ZNF33A: variants seen among roughly 807,000 people sequenced by gnomAD.
The protein encoded by ZNF33A is zinc finger protein 33A.
A neutral mutation model predicts 15.9 loss-of-function variants in ZNF33A; 9 were observed. That is an observed-to-expected ratio of 0.57 (90% CI 0.34 to 0.99). ZNF33A has a LOEUF of 0.99. Ranked by LOEUF, ZNF33A falls within the 50% of genes least tolerant of loss-of-function variation. The pLI is 0.02. For missense variants in ZNF33A, 843 were observed against 941.6 expected, an observed-to-expected ratio of 0.90 and a Z score of 1.37; for synonymous variants, 294 against 324.2, an observed-to-expected ratio of 0.91 and a Z score of 1.00.
chr10:38,063,940 G>A, downstream of ZNF33A: 3 of 639,180 alleles, frequency 4.7e-6, no homozygotes, highest in South Asian at 6.9e-5. Context: ...ATTCAGCAAA[G>A]GTATCCACTG....
intron 4 of ZNF33A, among the ~76,000 whole-genome samples, chr10:38,037,022 C>T (rs2065481534): frequency 6.7e-6 from 1 of 148,814 alleles, no homozygotes. Flanking sequence ...TATTTTTCTC[C>T]CATTTGTGGG....
intron 4 of ZNF33A, among the ~76,000 whole-genome samples, chr10:38,020,045 A>G (rs1564837246): frequency 6.6e-6 from 1 of 152,320 alleles, no homozygotes; most frequent in East Asian, 1.9e-4. Context: ...AGAATACTAT[A>G]AAATGTGATA....
intron 4 of ZNF33A, chr10:38,039,494 T>C (rs61858883): frequency 7.9e-5 from 36 of 455,868 alleles, no homozygotes; most frequent in Admixed American, 1.4e-4. Context: ...CCCAAAGTGG[T>C]AGGATTACAG....
At chr10:38,018,825 T>C (rs1469670762) in intron 4 of ZNF33A, among the ~76,000 whole-genome samples, 1 of 152,096 alleles carries the variant, frequency 6.6e-6, no homozygotes, top group Non-Finnish European at 1.5e-5. Context: ...GGCTGGACCT[T>C]CTCAAATTTA....
chr10:38,031,677 G>T (rs1301877268), intron 4 of ZNF33A, among the ~76,000 whole-genome samples: 1 of 151,688 alleles, frequency 6.6e-6, no homozygotes, highest in Non-Finnish European at 1.5e-5. Flanking sequence ...TTTAATAAAG[G>T]TAATAGGCCG....
At chr10:38,027,955 T>C (rs1248139326) in intron 4 of ZNF33A, among the ~76,000 whole-genome samples, 2 of 152,136 alleles carry the variant, frequency 1.3e-5, no homozygotes, top group Admixed American at 6.5e-5. Flanking sequence ...AGTCAGTTTG[T>C]TTTGGACAAT....
chr10:38,010,881 C>A, intron 1 of ZNF33A, 98 bp downstream of exon 1: 2 of 1,463,506 alleles, frequency 1.4e-6, no homozygotes, highest in Non-Finnish European at 1.9e-6. Context: ...GGAGGAGGCC[C>A]GGGGACCTCA....
At chr10:38,024,806 G>A (rs2064909030) in intron 4 of ZNF33A, among the ~76,000 whole-genome samples, 1 of 152,234 alleles carries the variant, frequency 6.6e-6, no homozygotes, top group African/African-American at 2.4e-5. Flanking sequence ...GCACACTGTT[G>A]TGAGTAGCAT....
downstream of ZNF33A, among the ~76,000 whole-genome samples, chr10:38,061,118 A>G (rs970976439): frequency 1.3e-5 from 2 of 152,050 alleles, no homozygotes; most frequent in Non-Finnish European, 2.9e-5. Context: ...GCTGCATGGA[A>G]CATCCCTACA....
At chr10:38,024,275 A>G (rs1590518104) in intron 4 of ZNF33A, among the ~76,000 whole-genome samples, 1 of 152,310 alleles carries the variant, frequency 6.6e-6, no homozygotes, top group African/African-American at 2.4e-5. Flanking sequence ...TCTACTAACA[A>G]TGAACATATG....
chr10:38,063,626 C>A (rs2066681565), downstream of ZNF33A, among the ~76,000 whole-genome samples: 1 of 152,182 alleles, frequency 6.6e-6, no homozygotes, highest in Admixed American at 6.5e-5. Flanking sequence ...GCTTGTGTTA[C>A]CAATCATTGG....
At chr10:38,040,480 TTAG>T (rs1346888945) in intron 4 of ZNF33A, among the ~76,000 whole-genome samples, 1 of 152,204 alleles carries the variant, frequency 6.6e-6, no homozygotes, top group Non-Finnish European at 1.5e-5. Context: ...TGAGGCTCTG[TTAG>T]TAGTACATAG....
In ZNF33A at chr10:38,055,534, A is replaced by G. The variant is rs554901118; in HGVS notation, c.1410A>G (p.Glu470=). 1.1e-5 allele frequency: 17 copies of G among 1,613,998 alleles called. No homozygotes were observed. The highest frequency in any genetic ancestry group is 1.6e-4 in the Middle Eastern group (1 of 6,084). The change falls in exon 5 of 5, where the codon GAA becomes GAG. Residue 470 remains glutamate, a synonymous_variant. Coordinates refer to ENST00000432900, the MANE Select transcript of ZNF33A (RefSeq NM_006954.2). ...QRTHTGEKPF[E]CLECGKSFSE... ...CTCACACAGGTGAGAAACCTTTTGA[A>G]TGTCTTGAGTGTGGGAAATCCTTTA...
chr10:38,064,011 G>C, downstream of ZNF33A: 1 of 1,377,796 alleles, frequency 7.3e-7, no homozygotes. Context: ...AGAAAAGAGG[G>C]CTTTCAGGCC....
intron 4 of ZNF33A, among the ~76,000 whole-genome samples, chr10:38,029,521 C>A (rs1216065763): frequency 6.6e-6 from 1 of 152,126 alleles, no homozygotes; most frequent in Non-Finnish European, 1.5e-5. Flanking sequence ...TTACTGTAAA[C>A]CTTTGTTTTC....
At chr10:38,050,813 G>C (rs1254764527) in intron 4 of ZNF33A, among the ~76,000 whole-genome samples, 1 of 152,178 alleles carries the variant, frequency 6.6e-6, no homozygotes, top group African/African-American at 2.4e-5. Flanking sequence ...GTAACTTCCA[G>C]CTTTCAGGCA....
chr10:38,055,596 A>G lies in ZNF33A; in HGVS notation c.1472A>G (p.His491Arg), dbSNP rs765182389. The G allele has an allele frequency of 9.3e-6, 15 of 1,614,160 alleles. No homozygotes were observed. The highest frequency in any genetic ancestry group is 1.2e-5 in the Non-Finnish European group (14 of 1,180,016). Residue 491 changes from histidine to arginine, a missense_variant, in exon 5 of 5, where the codon CAC becomes CGC. Coordinates refer to ENST00000432900, the MANE Select transcript of ZNF33A (RefSeq NM_006954.2). ...AATCTTACACAGCATCAGAGAATTC[A>G]CATAGGAGATAAATCTTATGAATGT... ...KSNLTQHQRI[H>R]IGDKSYECNA...
intron 4 of ZNF33A, among the ~76,000 whole-genome samples, chr10:38,040,504 G>C (rs986236797): frequency 1.3e-5 from 2 of 152,062 alleles, no homozygotes; most frequent in African/African-American, 4.8e-5. Flanking sequence ...GCTTAGAATT[G>C]TTATGTCTCC....
At chr10:38,035,366 C>T (rs980347524) in intron 4 of ZNF33A, among the ~76,000 whole-genome samples, 1 of 152,010 alleles carries the variant, frequency 6.6e-6, no homozygotes, top group Non-Finnish European at 1.5e-5. Context: ...GATCCACCTG[C>T]CCCGGCCTCC....
Sources: gnomAD v4.1 joint callset for allele counts (sites outside exome capture counted in the v4.1 genomes callset) on GRCh38, gnomAD v4.1.1 for gene constraint, MANE v1.5 for transcripts, NCBI Gene and HGNC (gene_info 2026-07-23, HGNC 2026-07-21) for gene names.